Variants in DPH6 observed in about 807,000 individuals in gnomAD.
DPH6 encodes the protein diphthamine biosynthesis 6, also known as diphthine--ammonia ligase.
A neutral mutation model predicts 38.2 loss-of-function variants in DPH6; 33 were observed. The observed-to-expected ratio is 0.86, with a 90% CI of 0.65 to 1.15. The LOEUF (loss-of-function observed/expected upper bound fraction) is 1.15. Among genes scored for constraint, DPH6 ranks in the 50% most tolerant of loss-of-function variants. The probability of loss-of-function intolerance (pLI) is 0.00; values close to 1 mark genes in which losing one functional copy is unlikely to be tolerated. For synonymous variants in DPH6, 108 were observed against 103.0 expected, an observed-to-expected ratio of 1.05 and a Z score of -0.30; for missense variants, 325 against 320.0, an observed-to-expected ratio of 1.02 and a Z score of -0.12.
the DPH6 span, among the ~76,000 whole-genome samples, chr15:35,152,515 T>C: frequency 2.0e-5 from 3 of 152,236 alleles, no homozygotes; most frequent in African/African-American, 7.2e-5. Flanking sequence ...TTTTATTTTT[T>C]TGAGATGGAG....
At chr15:35,351,795 C>T (rs1470569826) in intron 3 of DPH6, among the ~76,000 whole-genome samples, 7 of 150,598 alleles carry the variant, frequency 4.6e-5, no homozygotes, top group Non-Finnish European at 1.0e-4. Flanking sequence ...AATTATGGCT[C>T]ACTGCAGCAC....
intron 3 of DPH6, among the ~76,000 whole-genome samples, chr15:35,315,844 A>C (rs1409010413): frequency 6.6e-6 from 1 of 152,230 alleles, no homozygotes; most frequent in Non-Finnish European, 1.5e-5. Context: ...TACACAATGA[A>C]ATATTATTCA....
At chr15:35,338,708 T>G (rs935702635) in intron 3 of DPH6, among the ~76,000 whole-genome samples, 1 of 152,206 alleles carries the variant, frequency 6.6e-6, no homozygotes, top group African/African-American at 2.4e-5. Context: ...TTATAAATCA[T>G]GCTGCCATAA....
chr15:35,321,250 A>C (rs548848373), intron 3 of DPH6, among the ~76,000 whole-genome samples: 1 of 152,268 alleles, frequency 6.6e-6, no homozygotes, highest in Non-Finnish European at 1.5e-5. Flanking sequence ...TCCCATGGTT[A>C]GCTTGGCCTA....
chr15:35,484,157 C>T (rs544358632), intron 3 of DPH6, among the ~76,000 whole-genome samples: 7 of 152,156 alleles, frequency 4.6e-5, no homozygotes, highest in African/African-American at 1.7e-4. Flanking sequence ...TCAAAGTATG[C>T]CTCAGTGAAT....
At chr15:35,469,281 T>C (rs890085099) in intron 3 of DPH6, among the ~76,000 whole-genome samples, 2 of 152,242 alleles carry the variant, frequency 1.3e-5, no homozygotes, top group Non-Finnish European at 2.9e-5. Context: ...ACATAATATT[T>C]ACAATTTTAA....
chr15:35,309,289 G>A (rs2052120526), intron 3 of DPH6, among the ~76,000 whole-genome samples: 1 of 152,066 alleles, frequency 6.6e-6, no homozygotes, highest in African/African-American at 2.4e-5. Context: ...AATGATATCA[G>A]GAAAAGAAAA....
At chr15:35,477,868 T>A (rs1422268625) in intron 3 of DPH6, among the ~76,000 whole-genome samples, 1 of 151,920 alleles carries the variant, frequency 6.6e-6, no homozygotes, top group African/African-American at 2.4e-5. Context: ...CGGGAAATGT[T>A]ATTTTAATGA....
intron 5 of DPH6, among the ~76,000 whole-genome samples, chr15:35,435,411 G>C (rs2053685617): frequency 6.6e-6 from 1 of 152,208 alleles, no homozygotes; most frequent in East Asian, 1.9e-4. Flanking sequence ...ATAGATGCAG[G>C]AGGCAGAAAA....
At chr15:35,485,184 CTAGTAAA>C (rs1210882429) in intron 3 of DPH6, among the ~76,000 whole-genome samples, 1 of 152,036 alleles carries the variant, frequency 6.6e-6, no homozygotes, top group Non-Finnish European at 1.5e-5. Flanking sequence ...GATCACACAG[CTAGTAAA>C]TAGCAGAGCC....
At chr15:35,206,163 A>G in the DPH6 span, among the ~76,000 whole-genome samples, 2 of 152,192 alleles carry the variant, frequency 1.3e-5, no homozygotes, top group Non-Finnish European at 2.9e-5. Flanking sequence ...ACAAAAATAT[A>G]TATGATAAAA....
rs1332552743 is a variant in DPH6 at position 35,371,927 on chromosome 15, GAGAA to G, written c.*219_*222del. 1.6e-6 allele frequency: 2 copies of G among 1,237,880 alleles called. No individual in the cohort carries two copies. The highest frequency in any genetic ancestry group is 1.6e-5 in the African/African-American group (1 of 63,016). The allele number at this position is 1,237,880 out of a possible 1,614,324, so 76.7% of individuals were successfully genotyped here. A position where few individuals can be genotyped will look rare whatever the true frequency, so the allele number is the denominator to read the frequency against. On this transcript the variant is annotated 3_prime_UTR_variant, in exon 9 of 9. Transcript: ENST00000256538. ...TCATAGGGAAGATGTGTTAACGAAA[GAGAA>G]AGAGTGAATTCCAAGAAAGTTGGCA...
At chr15:35,390,320 T>C (rs986333940) in intron 6 of DPH6, among the ~76,000 whole-genome samples, 2 of 152,304 alleles carry the variant, frequency 1.3e-5, no homozygotes, top group African/African-American at 4.8e-5. Context: ...ATTATGTGTC[T>C]TGGAGTTGCT....
intron 5 of DPH6, among the ~76,000 whole-genome samples, chr15:35,437,797 T>C (rs1259127313): frequency 6.6e-6 from 1 of 152,230 alleles, no homozygotes; most frequent in African/African-American, 2.4e-5. Flanking sequence ...TTTTATGTCC[T>C]TGGAAGCATG....
At chr15:35,480,167 A>T (rs1461125387) in intron 3 of DPH6, among the ~76,000 whole-genome samples, 1 of 152,114 alleles carries the variant, frequency 6.6e-6, no homozygotes. Flanking sequence ...ATTTTATAGT[A>T]CTAATCTAAT....
intron 7 of DPH6, among the ~76,000 whole-genome samples, chr15:35,376,929 A>G (rs1030816636): frequency 6.6e-6 from 1 of 152,170 alleles, no homozygotes; most frequent in African/African-American, 2.4e-5. Flanking sequence ...GAATGTTTCC[A>G]CATTAAGTGA....
Position 35,375,443 on chromosome 15 carries a change from C to T in DPH6, c.663-1835G>A, listed in dbSNP as rs150501478. The stretch of plus-strand genomic sequence containing the variant: ...AATAATACCACTCACTATTGCTCTT[C>T]TCTCTCATATACTATCACAGTGATA... On this transcript the variant is annotated intron_variant, in intron 7 of 8. Coordinates refer to ENST00000256538, the MANE Select transcript of DPH6 (RefSeq NM_080650.4). 1.1e-3 allele frequency among the ~76,000 whole-genome samples: 165 copies of T among 152,186 alleles called. 1 individual carries two copies. Among genetic ancestry groups the T allele is most frequent in the Middle Eastern group, 3.4e-3 (1 of 294 alleles).
intron 3 of DPH6, among the ~76,000 whole-genome samples, chr15:35,268,149 G>A (rs930503428): frequency 4.0e-5 from 6 of 151,108 alleles, no homozygotes; most frequent in Admixed American, 2.6e-4. Context: ...CAGCCTGGGC[G>A]ACAGAGCGAG....
intron 3 of DPH6, among the ~76,000 whole-genome samples, chr15:35,345,585 A>T (rs549707461): frequency 6.6e-6 from 1 of 151,982 alleles, no homozygotes; most frequent in African/African-American, 2.4e-5. Context: ...CCCTAGAATA[A>T]CCTAATTTGG....
Sources: allele counts gnomAD v4.1 joint callset (sites outside exome capture counted in the v4.1 genomes callset), GRCh38; gene constraint gnomAD v4.1.1; transcripts MANE v1.5; gene names NCBI Gene and HGNC (gene_info 2026-07-23, HGNC 2026-07-21).